Variants in THSD7B observed in about 807,000 individuals in gnomAD.
THSD7B encodes thrombospondin type 1 domain containing 7B.
Under a neutral mutation model 213.6 loss-of-function variants are expected in THSD7B, and 138 were observed. The ratio of observed to expected loss-of-function variants is 0.65; its 90% CI spans 0.56 to 0.74. The LOEUF is 0.74. Ranked by LOEUF, THSD7B falls within the 30% of genes least tolerant of loss-of-function variation. THSD7B has a pLI of 0.00. For missense variants in THSD7B, 1,931 were observed against 1,991.5 expected, an observed-to-expected ratio of 0.97 and a Z score of 0.58; for synonymous variants, 742 against 687.0, an observed-to-expected ratio of 1.08 and a Z score of -1.25.
At position 137,241,053 on chromosome 2, in the gene THSD7B, T is replaced by A. The variant is rs575723176; in HGVS notation, c.2151-1404T>A. ...TCAATCATAATTTTTTCAGGTGCTT[T>A]GTCTCCATGAAGCTTTGGGTCCATT... On this transcript the variant is annotated intron_variant, in intron 9 of 27. Coordinates refer to ENST00000409968, the MANE Select transcript of THSD7B (RefSeq NM_001316349.2). 2.7e-4 allele frequency among the ~76,000 whole-genome samples: 41 copies of A among 152,308 alleles called. No homozygotes were observed. In the Middle Eastern group the frequency reaches 0.017, roughly 63 times the overall value.
intron 15 of THSD7B, among the ~76,000 whole-genome samples, chr2:137,458,275 A>G (rs1030368693): frequency 7.2e-5 from 11 of 152,146 alleles, no homozygotes; most frequent in African/African-American, 2.4e-4. Flanking sequence ...CATTCTTTGA[A>G]CCTCCAGAAA....
chr2:137,249,491 C>G (rs1682120814), intron 10 of THSD7B, among the ~76,000 whole-genome samples: 1 of 151,846 alleles, frequency 6.6e-6, no homozygotes, highest in Admixed American at 6.6e-5. Context: ...AAAGCATTGT[C>G]AGTCCAGACT....
chr2:136,806,033 GC>G (rs1030161377), intron 1 of THSD7B, among the ~76,000 whole-genome samples: 3 of 152,190 alleles, frequency 2.0e-5, no homozygotes, highest in African/African-American at 7.2e-5. Flanking sequence ...CAGTGCTGGT[GC>G]CCACTTAGAG....
At chr2:136,879,344 G>A (rs2954118) in intron 1 of THSD7B, among the ~76,000 whole-genome samples, 132,472 of 152,144 alleles carry the variant, frequency 0.87, 57,930 homozygotes, top group Non-Finnish European at 0.91. Flanking sequence ...TTGAAGTCAG[G>A]TAGCGTGATG....
At chr2:137,013,944 G>A (rs976328376) in intron 2 of THSD7B, among the ~76,000 whole-genome samples, 1 of 152,232 alleles carries the variant, frequency 6.6e-6, no homozygotes, top group Non-Finnish European at 1.5e-5. Context: ...AACAGAGGAT[G>A]TGTTGGCAGA....
At chr2:137,230,086 G>A (rs1681603243) in intron 7 of THSD7B, among the ~76,000 whole-genome samples, 1 of 152,180 alleles carries the variant, frequency 6.6e-6, no homozygotes, top group African/African-American at 2.4e-5. Flanking sequence ...GACTGTGAAT[G>A]AGGGGAATAG....
At chr2:137,092,879 C>A (rs942416507) in intron 3 of THSD7B, among the ~76,000 whole-genome samples, 2 of 152,234 alleles carry the variant, frequency 1.3e-5, no homozygotes, top group Non-Finnish European at 2.9e-5. Flanking sequence ...CTCAGGTGAT[C>A]TGCCTGCCTT....
chr2:137,259,934 CGT>C (rs139340910), intron 10 of THSD7B, among the ~76,000 whole-genome samples: 8 of 149,752 alleles, frequency 5.3e-5, no homozygotes, highest in Non-Finnish European at 7.4e-5. Context: ...TGGGTGTGTG[CGT>C]GTGTGTGTGT....
intron 12 of THSD7B, among the ~76,000 whole-genome samples, chr2:137,308,709 A>G (rs925730271): frequency 1.3e-5 from 2 of 152,130 alleles, no homozygotes; most frequent in Admixed American, 6.5e-5. Flanking sequence ...AGAAAAAGGT[A>G]TAATAAAAAT....
At chr2:137,511,825 A>G (rs568177810) in intron 15 of THSD7B, among the ~76,000 whole-genome samples, 79 of 152,168 alleles carry the variant, frequency 5.2e-4, no homozygotes, top group African/African-American at 1.8e-3. Context: ...ATGTATGGAG[A>G]GTTTATTATT....
rs371699515 is a variant in THSD7B, at chr2:136,794,920, G to A, written c.-36+29233G>A. 2.0e-5 allele frequency among the ~76,000 whole-genome samples: 3 copies of A among 151,874 alleles called. No individual in the cohort carries two copies. The East Asian group carries it at 5.8e-4, about 29-fold the overall frequency. ...ACACTTATAAAATATTCCTATTTATGTGTAGTAAAACTTCTGGTCCAAGAG... is the reference window on the plus strand; with the variant it reads ...ACACTTATAAAATATTCCTATTTATATGTAGTAAAACTTCTGGTCCAAGAG... On this transcript the variant is annotated intron_variant, in intron 1 of 27. Transcript: ENST00000409968.
chr2:137,041,590 G>A lies in THSD7B; in HGVS notation c.140-14830G>A, dbSNP rs148433149. Among the ~76,000 whole-genome samples the A allele has an allele frequency of 5.9e-3, 883 of 149,470 alleles. 9 individuals are homozygous for A. The highest frequency in any genetic ancestry group is 0.021 in the African/African-American group (858 of 40,882). ...TATACTAACAAAAACTACATCGTAC[G>A]TAAGAAACAGAATTGGCTTAAATAT... On this transcript the variant is annotated intron_variant, in intron 2 of 27. Transcript: ENST00000409968.
chr2:137,300,932 A>T (rs1683584559), intron 12 of THSD7B, among the ~76,000 whole-genome samples: 1 of 152,128 alleles, frequency 6.6e-6, no homozygotes, highest in South Asian at 2.1e-4. Context: ...TGGAAGCTCT[A>T]GAAACCCCTT....
At chr2:137,301,969 A>T (rs1343735952) in intron 12 of THSD7B, among the ~76,000 whole-genome samples, 1 of 152,072 alleles carries the variant, frequency 6.6e-6, no homozygotes, top group Non-Finnish European at 1.5e-5. Flanking sequence ...ACTTGAAAAG[A>T]CCCAAGCAAG....
In THSD7B at chr2:137,010,665, A is replaced by G. The variant is rs554058372; in HGVS notation, c.140-45755A>G. ...ATGCAAGTGTTTTCTAGTGTACACT[A>G]TACAAATGTGATCATCATCTATTTG... is the stretch of plus-strand genomic sequence containing the variant. On this transcript the variant is annotated intron_variant, in intron 2 of 27. Transcript: ENST00000409968. Among the ~76,000 whole-genome samples the G allele has an allele frequency of 1.1e-4, 16 of 152,330 alleles. No individual in the cohort carries two copies. The South Asian group carries it at 3.3e-3, about 32-fold the overall frequency.
chr2:137,651,504 TA>T (rs569060869), intron 21 of THSD7B, among the ~76,000 whole-genome samples: 3 of 151,726 alleles, frequency 2.0e-5, no homozygotes, highest in Non-Finnish European at 4.4e-5. Flanking sequence ...TTTATTTTTT[TA>T]AAAAAAACAA....
At chr2:137,047,758 T>A (rs1265275167) in intron 2 of THSD7B, among the ~76,000 whole-genome samples, 1 of 152,148 alleles carries the variant, frequency 6.6e-6, no homozygotes, top group African/African-American at 2.4e-5. Context: ...CTCTGGAACT[T>A]CTAAGTAAAC....
rs371342009 is a variant in THSD7B at position 137,382,826 on chromosome 2, G to A, written c.2501-22787G>A. On this transcript the variant is annotated intron_variant, in intron 12 of 27. Transcript: ENST00000409968. ...GGTCTGAGGCACCCCTAGACCCTGA[G>A]CCTTCACTGTTTAAGGAAGGGTGTC... 4.0e-4 allele frequency among the ~76,000 whole-genome samples: 61 copies of A among 152,298 alleles called. 1 individual carries two copies. Among genetic ancestry groups the A allele is most frequent in the African/African-American group, 1.1e-3 (47 of 41,568 alleles).
intron 17 of THSD7B, among the ~76,000 whole-genome samples, chr2:137,594,529 T>C (rs1681924478): frequency 6.6e-6 from 1 of 152,022 alleles, no homozygotes; most frequent in African/African-American, 2.4e-5. Context: ...TAAACAGCTA[T>C]GTGTTTGTCT....
Sources: allele counts gnomAD v4.1 joint callset (sites outside exome capture counted in the v4.1 genomes callset), GRCh38; gene constraint gnomAD v4.1.1; transcripts MANE v1.5; gene names NCBI Gene and HGNC (gene_info 2026-07-23, HGNC 2026-07-21).